The following ANXA10 variants were observed in gnomAD, a reference collection of about 807,000 sequenced individuals.
The protein encoded by ANXA10 is annexin 14.
Under a neutral mutation model 53.5 loss-of-function variants are expected in ANXA10, and 49 were observed. The ratio of observed to expected loss-of-function variants is 0.92; its 90% CI spans 0.73 to 1.16. The LOEUF (loss-of-function observed/expected upper bound fraction) is 1.16, where lower values mean the gene tolerates loss of function less well. ANXA10 is among the 50% of genes most tolerant of loss of function. The pLI is 0.00. For synonymous variants in ANXA10, 131 were observed against 128.9 expected (o/e 1.02, Z -0.11); for missense variants, 393 against 394.4 (o/e 1.00, Z 0.03).
chr4:168,181,139 GTT>G (rs1388483280), intron 9 of ANXA10, among the ~76,000 whole-genome samples: 1 of 152,010 alleles, frequency 6.6e-6, no homozygotes, highest in South Asian at 2.1e-4. Context: ...AGATGATAAA[GTT>G]TTCACTTTGG....
chr4:168,122,878 G>A (rs1267236863), intron 1 of ANXA10, among the ~76,000 whole-genome samples: 1 of 152,050 alleles, frequency 6.6e-6, no homozygotes, highest in Non-Finnish European at 1.5e-5. Context: ...AGATTTGGAG[G>A]GGACACATAT....
intron 3 of ANXA10, 137 bp from the exon 4 acceptor site, chr4:168,162,391 A>T: frequency 3.0e-6 from 2 of 669,134 alleles, no homozygotes; most frequent in Non-Finnish European, 5.3e-6. Flanking sequence ...GCATACATAT[A>T]CATGTGAATC....
intron 1 of ANXA10, among the ~76,000 whole-genome samples, chr4:168,109,146 G>A (rs979081228): frequency 2.6e-5 from 4 of 152,054 alleles, no homozygotes; most frequent in African/African-American, 9.7e-5. Flanking sequence ...ACTCTTTGAT[G>A]TTTCCCACAT....
chr4:168,151,932 A>G (rs1015206374), intron 3 of ANXA10, among the ~76,000 whole-genome samples: 4 of 152,210 alleles, frequency 2.6e-5, no homozygotes, highest in African/African-American at 4.8e-5. Flanking sequence ...GAATGACTCC[A>G]AACAAATAAT....
At chr4:168,099,886 G>C (rs1018622087) in intron 1 of ANXA10, among the ~76,000 whole-genome samples, 1 of 151,966 alleles carries the variant, frequency 6.6e-6, no homozygotes, top group Non-Finnish European at 1.5e-5. Context: ...AGAATCACTG[G>C]GTTACATATA....
chr4:168,182,370 G>A (rs1732267965), intron 10 of ANXA10, among the ~76,000 whole-genome samples: 1 of 97,914 alleles, frequency 1.0e-5, no homozygotes, highest in Non-Finnish European at 1.8e-5. Flanking sequence ...TTGCTCTGCT[G>A]CCCAGGCTGG....
intron 1 of ANXA10, among the ~76,000 whole-genome samples, chr4:168,108,862 C>T (rs1398276243): frequency 2.0e-5 from 3 of 152,184 alleles, no homozygotes; most frequent in Non-Finnish European, 4.4e-5. Flanking sequence ...CCACCCTTCA[C>T]CTCATTCCCC....
chr4:168,159,372 T>C (rs1043456642), intron 3 of ANXA10, among the ~76,000 whole-genome samples: 11 of 152,192 alleles, frequency 7.2e-5, no homozygotes, highest in African/African-American at 2.7e-4. Flanking sequence ...AGTTTTTATT[T>C]TAATTTTTGT....
chr4:168,123,648 A>T (rs1731024941), intron 1 of ANXA10, among the ~76,000 whole-genome samples: 2 of 152,122 alleles, frequency 1.3e-5, no homozygotes, highest in Admixed American at 1.3e-4. Context: ...AGACCCCCAA[A>T]TGTAGATGTC....
chr4:168,125,497 G>A (rs1048664368), intron 1 of ANXA10, among the ~76,000 whole-genome samples: 2 of 152,128 alleles, frequency 1.3e-5, no homozygotes, highest in Non-Finnish European at 2.9e-5. Context: ...AAAGCCACAT[G>A]AGAAAAAGTA....
At chr4:168,153,987 C>CACAA (rs1437262930) in intron 3 of ANXA10, among the ~76,000 whole-genome samples, 2 of 150,578 alleles carry the variant, frequency 1.3e-5, no homozygotes, top group Non-Finnish European at 3.0e-5. Context: ...TGTATACACA[C>CACAA]ACACACACAC....
chr4:168,144,197 C>G (rs955173869), intron 3 of ANXA10, among the ~76,000 whole-genome samples: 1 of 150,846 alleles, frequency 6.6e-6, no homozygotes, highest in Non-Finnish European at 1.5e-5. Flanking sequence ...TTTTCCTTTT[C>G]TTTCTTTGAG....
At chr4:168,126,910 T>C (rs1462704660) in intron 1 of ANXA10, among the ~76,000 whole-genome samples, 1 of 152,176 alleles carries the variant, frequency 6.6e-6, no homozygotes, top group African/African-American at 2.4e-5. Context: ...TTTGAGTTCT[T>C]AGTCCTTCAA....
chr4:168,160,036 GTA>G (rs1360832875), intron 3 of ANXA10, among the ~76,000 whole-genome samples: 1 of 152,184 alleles, frequency 6.6e-6, no homozygotes, highest in African/African-American at 2.4e-5. Context: ...AATAAATTGA[GTA>G]TATATATATT....
At chr4:168,121,450 T>C (rs1730983853) in intron 1 of ANXA10, among the ~76,000 whole-genome samples, 1 of 152,216 alleles carries the variant, frequency 6.6e-6, no homozygotes. Context: ...ATTTAGTTAT[T>C]TGAATCTAGG....
At position 168,128,276 on chromosome 4, in the gene ANXA10, A is replaced by G. The variant is rs527264238; in HGVS notation, c.100+111A>G. 7.1e-6 allele frequency: 4 copies of G among 559,612 alleles called. No homozygotes were observed. In the South Asian group the frequency reaches 1.8e-4, roughly 26 times the overall value. The allele number at this position is 559,612 out of a possible 1,614,324, so 34.7% of individuals were successfully genotyped here. A position where few individuals can be genotyped will look rare whatever the true frequency, so the allele number is the denominator to read the frequency against. ...TTGATGTCTTACAAAACACAGATAC[A>G]GATTAGACAAAAAAAAAAAAAACTG... On this transcript the variant is annotated intron_variant, in intron 2 of 11. Transcript: ENST00000359299.
chr4:168,164,193 T>C lies in ANXA10; in HGVS notation c.310-5T>C, dbSNP rs1213257217. 2 of 1,596,262 alleles carry C rather than the reference T, an allele frequency of 1.3e-6. No individual in the cohort carries two copies. The highest frequency in any genetic ancestry group is 1.7e-6 in the Non-Finnish European group (2 of 1,164,762). Reference sequence around the variant, plus strand: ...TTACATTTATCTCTTTTTTCCTTTCTCTAGGGAGTAGGCACTGATGAGAAT... The same window carrying C: ...TTACATTTATCTCTTTTTTCCTTTCCCTAGGGAGTAGGCACTGATGAGAAT... On this transcript the variant is annotated splice_region_variant and splice_polypyrimidine_tract_variant and intron_variant, in intron 4 of 11. Transcript: ENST00000359299.
At chr4:168,147,948 A>G (rs1156274512) in intron 3 of ANXA10, among the ~76,000 whole-genome samples, 10 of 152,216 alleles carry the variant, frequency 6.6e-5, no homozygotes, top group Admixed American at 2.0e-4. Context: ...ATTAGTCAGC[A>G]TGACACGTTG....
chr4:168,119,665 G>A (rs1030071555), intron 1 of ANXA10, among the ~76,000 whole-genome samples: 35 of 151,970 alleles, frequency 2.3e-4, no homozygotes, highest in South Asian at 4.1e-4. Flanking sequence ...ATTGTTATAC[G>A]CTGCAAACAA....
Sources: gnomAD v4.1 joint callset for allele counts (sites outside exome capture counted in the v4.1 genomes callset) on GRCh38, gnomAD v4.1.1 for gene constraint, MANE v1.5 for transcripts, NCBI Gene and HGNC (gene_info 2026-07-23, HGNC 2026-07-21) for gene names.